ADGRL3: variants seen among roughly 807,000 people sequenced by gnomAD.
The protein encoded by ADGRL3 is calcium-independent alpha-latrotoxin receptor 3.
Under a neutral mutation model 153.5 loss-of-function variants are expected in ADGRL3, and 62 were observed. The ratio of observed to expected loss-of-function variants is 0.40; its 90% CI spans 0.33 to 0.50. The LOEUF (loss-of-function observed/expected upper bound fraction) is 0.50. Ranked by LOEUF, ADGRL3 falls within the 20% of genes least tolerant of loss-of-function variation. The pLI, the probability that ADGRL3 is intolerant of heterozygous loss-of-function variation, is 0.47. For synonymous variants in ADGRL3, 710 were observed against 672.5 expected (o/e 1.06, Z -0.86); for missense variants, 1,641 against 1,859.4 (o/e 0.88, Z 2.16).
At chr4:61,262,548 C>G (rs902091480) in intron 1 of ADGRL3, among the ~76,000 whole-genome samples, 24 of 152,090 alleles carry the variant, frequency 1.6e-4, no homozygotes, top group Non-Finnish European at 3.2e-4. Context: ...TTTACTCACC[C>G]GGGCTGCTTC....
At chr4:61,684,444 G>A (rs2095406203) in intron 6 of ADGRL3, among the ~76,000 whole-genome samples, 1 of 152,048 alleles carries the variant, frequency 6.6e-6, no homozygotes, top group South Asian at 2.1e-4. Context: ...TCTAATTCCT[G>A]TAATGATCTA....
At chr4:61,808,627 T>G (rs2097575633) in intron 8 of ADGRL3, among the ~76,000 whole-genome samples, 1 of 152,088 alleles carries the variant, frequency 6.6e-6, no homozygotes, top group African/African-American at 2.4e-5. Flanking sequence ...TGCCAGATGG[T>G]TATAGTCAGA....
chr4:61,207,813 G>T (rs1738025865), intron 1 of ADGRL3, among the ~76,000 whole-genome samples: 1 of 152,066 alleles, frequency 6.6e-6, no homozygotes. Context: ...TAATTTTTAA[G>T]AGTATAAAAG....
At chr4:62,021,017 TC>T in intron 21 of ADGRL3, among the ~76,000 whole-genome samples, 1 of 152,148 alleles carries the variant, frequency 6.6e-6, no homozygotes, top group Non-Finnish European at 1.5e-5. Flanking sequence ...GTATTAAAGA[TC>T]AACTCAGAGA....
At chr4:61,265,169 A>G (rs192567605) in intron 1 of ADGRL3, among the ~76,000 whole-genome samples, 1 of 152,120 alleles carries the variant, frequency 6.6e-6, no homozygotes, top group Non-Finnish European at 1.5e-5. Context: ...CGTTAATTGT[A>G]TCAACTTGAG....
chr4:61,422,688 T>G (rs2152345769), intron 2 of ADGRL3, among the ~76,000 whole-genome samples: 1 of 152,214 alleles, frequency 6.6e-6, no homozygotes, highest in Non-Finnish European at 1.5e-5. Context: ...AACACCCTGC[T>G]TGGGGGAATA....
intron 9 of ADGRL3, among the ~76,000 whole-genome samples, chr4:61,848,343 A>T (rs1301530406): frequency 6.6e-6 from 1 of 151,074 alleles, no homozygotes; most frequent in Non-Finnish European, 1.5e-5. Context: ...CTAGGGTAGG[A>T]TCCTTCTTTA....
chr4:61,245,991 G>A (rs746169131), intron 1 of ADGRL3, among the ~76,000 whole-genome samples: 2 of 152,012 alleles, frequency 1.3e-5, no homozygotes, highest in African/African-American at 2.4e-5. Flanking sequence ...CAGTTTGTTA[G>A]CATCTGATCT....
At position 61,209,613 on chromosome 4, in the gene ADGRL3, G is replaced by T. The variant is rs144203905; in HGVS notation, c.-240+7848G>T. On this transcript the variant is annotated intron_variant, in intron 1 of 26. Coordinates refer to ENST00000683033, the MANE Select transcript of ADGRL3 (RefSeq NM_001387552.1). ...TATCTTTACTATGTTCTTTCCCTCT[G>T]TCCTTTTTTAACCTTTTAAGTACTT... 8.6e-3 allele frequency among the ~76,000 whole-genome samples: 1,314 copies of T among 152,076 alleles called. 5 individuals carry two copies. Among genetic ancestry groups the T allele is most frequent in the South Asian group, 0.026 (126 of 4,822 alleles).
chr4:61,530,742 T>G (rs566918455), intron 4 of ADGRL3, among the ~76,000 whole-genome samples: 2 of 152,202 alleles, frequency 1.3e-5, no homozygotes, highest in Non-Finnish European at 2.9e-5. Flanking sequence ...CTTGAGCTGA[T>G]GAAAACTTCC....
chr4:61,205,218 C>T (rs1006946585), intron 1 of ADGRL3, among the ~76,000 whole-genome samples: 2 of 152,148 alleles, frequency 1.3e-5, no homozygotes, highest in Admixed American at 1.3e-4. Flanking sequence ...TGGATTTGGA[C>T]CACTTTAAGT....
At chr4:61,598,175 A>C (rs997066022) in intron 5 of ADGRL3, among the ~76,000 whole-genome samples, 1 of 152,148 alleles carries the variant, frequency 6.6e-6, no homozygotes, top group Non-Finnish European at 1.5e-5. Context: ...AAAATGTTCA[A>C]CTATAACAAC....
At chr4:61,338,011 C>A (rs528762496) in intron 1 of ADGRL3, among the ~76,000 whole-genome samples, 1 of 151,976 alleles carries the variant, frequency 6.6e-6, no homozygotes, top group Admixed American at 6.6e-5. Flanking sequence ...ACCTGTAATC[C>A]CCCAGCACTT....
intron 1 of ADGRL3, among the ~76,000 whole-genome samples, chr4:61,380,690 G>A (rs2096657042): frequency 6.6e-6 from 1 of 151,864 alleles, no homozygotes; most frequent in African/African-American, 2.4e-5. Context: ...CGAACGATAT[G>A]GAACTATAAA....
intron 1 of ADGRL3, among the ~76,000 whole-genome samples, chr4:61,293,123 T>C (rs573330780): frequency 6.6e-6 from 1 of 152,246 alleles, no homozygotes; most frequent in Admixed American, 6.5e-5. Context: ...TGAGACACGT[T>C]GTGTAGCAGC....
At chr4:61,860,632 G>A (rs968967307) in intron 9 of ADGRL3, among the ~76,000 whole-genome samples, 2 of 152,018 alleles carry the variant, frequency 1.3e-5, no homozygotes, top group South Asian at 4.1e-4. Context: ...TCCATCTGCG[G>A]TCCTTCCCCA....
At chr4:61,203,919 T>TTG (rs971100808) in intron 1 of ADGRL3, among the ~76,000 whole-genome samples, 1 of 151,714 alleles carries the variant, frequency 6.6e-6, no homozygotes, top group Non-Finnish European at 1.5e-5. Context: ...CCCAATCTTT[T>TTG]TTTTTTTGTA....
intron 6 of ADGRL3, among the ~76,000 whole-genome samples, chr4:61,703,219 A>G (rs961786798): frequency 6.6e-6 from 1 of 152,164 alleles, no homozygotes; most frequent in Non-Finnish European, 1.5e-5. Flanking sequence ...TCTATCTTAT[A>G]AAATTATTAC....
intron 2 of ADGRL3, among the ~76,000 whole-genome samples, chr4:61,429,459 T>G (rs1174293611): frequency 1.3e-5 from 2 of 152,160 alleles, no homozygotes; most frequent in African/African-American, 4.8e-5. Flanking sequence ...AATTCATGTA[T>G]TATGTATCTT....
Sources: gnomAD v4.1 joint callset for allele counts (sites outside exome capture counted in the v4.1 genomes callset) on GRCh38, gnomAD v4.1.1 for gene constraint, MANE v1.5 for transcripts, NCBI Gene and HGNC (gene_info 2026-07-23, HGNC 2026-07-21) for gene names.